The following CNTNAP5 variants were observed in gnomAD, a reference collection of about 807,000 sequenced individuals.
CNTNAP5 encodes the protein contactin-associated protein-like 5.
Under a neutral mutation model 150.2 loss-of-function variants are expected in CNTNAP5, and 72 were observed. The observed-to-expected ratio is 0.48, with a 90% CI of 0.40 to 0.58. The LOEUF is 0.58. Ranked by LOEUF, CNTNAP5 falls within the 20% of genes least tolerant of loss-of-function variation. The pLI is 0.00. For synonymous variants in CNTNAP5, 672 were observed against 619.8 expected, an observed-to-expected ratio of 1.08 and a Z score of -1.25; for missense variants, 1,636 against 1,626.2, an observed-to-expected ratio of 1.01 and a Z score of -0.10.
At chr2:124,131,233 A>G (rs542999273) in intron 1 of CNTNAP5, among the ~76,000 whole-genome samples, 1 of 152,304 alleles carries the variant, frequency 6.6e-6, no homozygotes, top group South Asian at 2.1e-4. Context: ...TTTAGTGAAG[A>G]TTATCTCTGC....
chr2:124,857,802 G>A (rs944617271), intron 19 of CNTNAP5, among the ~76,000 whole-genome samples: 2 of 151,950 alleles, frequency 1.3e-5, no homozygotes, highest in African/African-American at 2.4e-5. Context: ...ACTCCAGCCT[G>A]GGCAACAAGA....
intron 11 of CNTNAP5, among the ~76,000 whole-genome samples, chr2:124,565,801 G>A (rs930664366): frequency 1.8e-4 from 28 of 151,908 alleles, no homozygotes; most frequent in Middle Eastern, 3.4e-3. Context: ...GGGTTTCACC[G>A]TGTTAGCCAG....
At chr2:124,871,270 A>ATATTTATT (rs749799468) in intron 21 of CNTNAP5, among the ~76,000 whole-genome samples, 52 of 125,818 alleles carry the variant, frequency 4.1e-4, no homozygotes, top group African/African-American at 9.2e-4. Flanking sequence ...ATACATATAC[A>ATATTTATT]TATTTACTTA....
At chr2:124,876,831 C>T (rs1328048009) in intron 21 of CNTNAP5, among the ~76,000 whole-genome samples, 1 of 151,922 alleles carries the variant, frequency 6.6e-6, no homozygotes, top group Non-Finnish European at 1.5e-5. Context: ...TTTAATGATA[C>T]TGTCTGTTTG....
intron 4 of CNTNAP5, among the ~76,000 whole-genome samples, chr2:124,419,152 A>AAAAAAAACAAAAAAC: frequency 8.3e-6 from 1 of 121,026 alleles, no homozygotes; most frequent in South Asian, 2.8e-4. Flanking sequence ...AAAAAAAAAA[A>AAAAAAAACAAAAAAC]AAAAAAAAAA....
chr2:124,679,749 G>T (rs534484872), intron 13 of CNTNAP5, among the ~76,000 whole-genome samples: 1 of 151,672 alleles, frequency 6.6e-6, no homozygotes, highest in South Asian at 2.1e-4. Context: ...AATTTTTGTA[G>T]AAACAGGGTC....
chr2:124,460,148 T>G (rs1693212917), intron 6 of CNTNAP5, among the ~76,000 whole-genome samples: 1 of 152,188 alleles, frequency 6.6e-6, no homozygotes, highest in Non-Finnish European at 1.5e-5. Flanking sequence ...TTTTTTTGTG[T>G]TTAAAAAACA....
At chr2:124,252,682 A>G (rs1002135339) in intron 3 of CNTNAP5, among the ~76,000 whole-genome samples, 3 of 152,190 alleles carry the variant, frequency 2.0e-5, no homozygotes, top group Non-Finnish European at 2.9e-5. Context: ...TGACAACTCA[A>G]TGAATGGCTT....
chr2:124,467,212 T>C (rs1201781201), intron 6 of CNTNAP5, among the ~76,000 whole-genome samples: 4 of 152,194 alleles, frequency 2.6e-5, no homozygotes, highest in Non-Finnish European at 4.4e-5. Context: ...TGAGTACCTG[T>C]GTTGCAGTTC....
intron 1 of CNTNAP5, among the ~76,000 whole-genome samples, chr2:124,116,447 G>T (rs924887055): frequency 1.3e-5 from 2 of 152,148 alleles, no homozygotes; most frequent in Admixed American, 6.6e-5. Flanking sequence ...GCAGTAGCAG[G>T]GCTAGCAGCT....
rs1678753225 is a variant in CNTNAP5 at position 124,915,727 on chromosome 2, A to G, written c.*1439A>G. On this transcript the variant is annotated 3_prime_UTR_variant, in exon 24 of 24. Transcript: ENST00000682447. ...TGGTAACAAAGCATTGAAAACAGTC[A>G]TTCCTTCAAGAAGGCACCTTGAGCT... 6.6e-6 allele frequency among the ~76,000 whole-genome samples: 1 copy of G among 152,088 alleles called. No individual in the cohort carries two copies. The highest frequency in any genetic ancestry group is 1.5e-5 in the Non-Finnish European group (1 of 67,986).
intron 1 of CNTNAP5, among the ~76,000 whole-genome samples, chr2:124,115,618 TGATTGAA>T (rs1291624298): frequency 2.0e-5 from 3 of 151,214 alleles, no homozygotes; most frequent in Non-Finnish European, 4.4e-5. Context: ...AACCAAGAAA[TGATTGAA>T]TTATTGCTTT....
At chr2:124,386,087 A>G (rs1316814083) in intron 3 of CNTNAP5, among the ~76,000 whole-genome samples, 1 of 152,144 alleles carries the variant, frequency 6.6e-6, no homozygotes, top group African/African-American at 2.4e-5. Flanking sequence ...TTGTTCATTG[A>G]GCTGCATTTC....
chr2:124,487,498 G>T (rs1434877806), intron 7 of CNTNAP5, among the ~76,000 whole-genome samples: 2 of 152,056 alleles, frequency 1.3e-5, no homozygotes, highest in Admixed American at 1.3e-4. Context: ...TGCCTGTAAG[G>T]ACAGTATGTT....
chr2:124,806,440 C>A (rs889502206), intron 19 of CNTNAP5, among the ~76,000 whole-genome samples: 1 of 152,094 alleles, frequency 6.6e-6, no homozygotes, highest in Non-Finnish European at 1.5e-5. Context: ...GAGATTCTGT[C>A]CTGCCACCTG....
intron 16 of CNTNAP5, among the ~76,000 whole-genome samples, chr2:124,770,370 G>A (rs1327401501): frequency 6.6e-6 from 1 of 152,064 alleles, no homozygotes; most frequent in Non-Finnish European, 1.5e-5. Context: ...TGGAGGTTGT[G>A]GTCAGGGGGC....
chr2:124,249,813 A>C (rs978263264), intron 3 of CNTNAP5, among the ~76,000 whole-genome samples: 1 of 152,200 alleles, frequency 6.6e-6, no homozygotes, highest in Non-Finnish European at 1.5e-5. Flanking sequence ...ACAAGAGTTA[A>C]TATCTCAACT....
At chr2:124,479,820 G>A (rs769614771) in intron 7 of CNTNAP5, among the ~76,000 whole-genome samples, 1 of 152,088 alleles carries the variant, frequency 6.6e-6, no homozygotes, top group Non-Finnish European at 1.5e-5. Context: ...CCCACTCCAT[G>A]GCTTATTCAG....
At chr2:124,192,720 T>C in intron 1 of CNTNAP5, among the ~76,000 whole-genome samples, 1 of 152,108 alleles carries the variant, frequency 6.6e-6, no homozygotes, top group African/African-American at 2.4e-5. Flanking sequence ...CCTCAAATCT[T>C]CGTAAAATGT....
Sources: gnomAD v4.1 joint callset for allele counts (sites outside exome capture counted in the v4.1 genomes callset) on GRCh38, gnomAD v4.1.1 for gene constraint, MANE v1.5 for transcripts, NCBI Gene and HGNC (gene_info 2026-07-23, HGNC 2026-07-21) for gene names.